SYN2: variants seen among roughly 807,000 people sequenced by gnomAD.
The protein encoded by SYN2 is synapsin-2.
Under a neutral mutation model 50.9 loss-of-function variants are expected in SYN2, and 19 were observed. That is an observed-to-expected ratio of 0.37 (90% confidence interval 0.26 to 0.55). The LOEUF is 0.55. Ranked by LOEUF, SYN2 falls within the 20% of genes least tolerant of loss-of-function variation. SYN2 has a pLI of 0.81. For missense variants in SYN2, 587 were observed against 576.4 expected, an observed-to-expected ratio of 1.02 and a Z score of -0.19; for synonymous variants, 255 against 224.9, an observed-to-expected ratio of 1.13 and a Z score of -1.20.
rs765461254 is a variant in SYN2 at position 12,145,708 on chromosome 3, G to A, written c.557G>A (p.Arg186Gln). 2.5e-5 allele frequency: 40 copies of A among 1,613,892 alleles called. No homozygotes were observed. The highest frequency in any genetic ancestry group is 1.6e-4 in the Middle Eastern group (1 of 6,084). Reference sequence around the variant, plus strand: ...TTCCGGCCAGACTTCGTGCTCATCCGGCAGCATGCATTTGGCATGGCGGAG... The same window carrying A: ...TTCCGGCCAGACTTCGTGCTCATCCAGCAGCATGCATTTGGCATGGCGGAG... ...RSFRPDFVLI[R>Q]QHAFGMAENE... The change falls in exon 4 of 13, where the codon CGG (arginine) becomes CAG (glutamine). Residue 186 changes from arginine (R) to glutamine (Q), a missense_variant. Transcript: ENST00000621198.
chr3:12,157,557 G>T, intron 5 of SYN2: 1 of 1,456,098 alleles, frequency 6.9e-7, no homozygotes, highest in Non-Finnish European at 9.6e-7. Flanking sequence ...ATGATCCAGG[G>T]TCCATGAAGA....
chr3:12,010,095 C>CA, intron 1 of SYN2, among the ~76,000 whole-genome samples: 1 of 151,826 alleles, frequency 6.6e-6, no homozygotes, highest in Non-Finnish European at 1.5e-5. Context: ...ACTCCATCTC[C>CA]AAAAAAATAA....
At chr3:12,174,777 G>A (rs1222702296) in intron 10 of SYN2, among the ~76,000 whole-genome samples, 1 of 152,174 alleles carries the variant, frequency 6.6e-6, no homozygotes, top group Non-Finnish European at 1.5e-5. Flanking sequence ...ACCGCGCCCA[G>A]CCATAACTGA....
intron 1 of SYN2, among the ~76,000 whole-genome samples, chr3:12,011,568 C>G (rs569012154): frequency 1.3e-5 from 2 of 152,328 alleles, no homozygotes; most frequent in African/African-American, 4.8e-5. Context: ...TTAACCAGTT[C>G]ATGTAAGATT....
chr3:12,135,231 G>A (rs1696872206), intron 1 of SYN2, among the ~76,000 whole-genome samples: 2 of 152,164 alleles, frequency 1.3e-5, no homozygotes, highest in South Asian at 4.1e-4. Context: ...AGTGGGTGGC[G>A]GCCGGCGCTC....
At chr3:12,084,302 T>TC (rs1279444315) in intron 1 of SYN2, among the ~76,000 whole-genome samples, 1 of 152,182 alleles carries the variant, frequency 6.6e-6, no homozygotes, top group Admixed American at 6.5e-5. Context: ...ATTGGTATTG[T>TC]CTTATACCCT....
chr3:12,141,907 A>T lies in SYN2; in HGVS notation c.438A>T (p.Ala146=). The T allele has an allele frequency of 1.3e-6, 1 of 780,866 alleles. No individual in the cohort carries two copies. Among genetic ancestry groups the T allele is most frequent in the Non-Finnish European group, 2.4e-6 (1 of 417,952 alleles). The allele number at this position is 780,866 out of a possible 1,614,324, so 48.4% of individuals were successfully genotyped here. A position where few individuals can be genotyped will look rare whatever the true frequency, so the allele number is the denominator to read the frequency against. ...ATTCCCCTGTTATTATTTTCCAGGC[A>T]GAATTTTCAGAGCTCAACCTGGTGG... ...LGDYDIKVEQ[A]EFSELNLVAH... Residue 146 remains alanine (A), a splice_region_variant and synonymous_variant, in exon 3 of 13, where the codon GCA becomes GCT. Coordinates refer to ENST00000621198, the MANE Select transcript of SYN2 (RefSeq NM_133625.6).
intron 1 of SYN2, among the ~76,000 whole-genome samples, chr3:12,048,039 A>G (rs1193807812): frequency 6.6e-6 from 1 of 152,190 alleles, no homozygotes; most frequent in Non-Finnish European, 1.5e-5. Flanking sequence ...TTACAGATAA[A>G]ATGCCCATTG....
intron 11 of SYN2, 144 bp downstream of exon 11, chr3:12,183,516 C>T (rs1698270636): frequency 6.4e-7 from 1 of 1,571,250 alleles, no homozygotes; most frequent in Admixed American, 1.9e-5. Context: ...GAGGGGAAAA[C>T]AGACCCTCCC....
chr3:12,015,409 T>A (rs527753054), intron 1 of SYN2, among the ~76,000 whole-genome samples: 1 of 152,160 alleles, frequency 6.6e-6, no homozygotes, highest in South Asian at 2.1e-4. Context: ...CAAAGAAAGT[T>A]TTCAGTACTT....
intron 1 of SYN2, among the ~76,000 whole-genome samples, chr3:12,086,700 T>C (rs1170839628): frequency 2.6e-5 from 4 of 152,056 alleles, no homozygotes; most frequent in Admixed American, 6.6e-5. Context: ...AAATTAGCTA[T>C]AGAAAGAATG....
chr3:12,115,473 C>T (rs1419296458), intron 1 of SYN2, among the ~76,000 whole-genome samples: 1 of 152,078 alleles, frequency 6.6e-6, no homozygotes, highest in East Asian at 1.9e-4. Flanking sequence ...CAAAAAAGTG[C>T]CAAGAAAGTT....
intron 1 of SYN2, among the ~76,000 whole-genome samples, chr3:12,009,039 A>T (rs1199834124): frequency 1.3e-5 from 2 of 152,106 alleles, no homozygotes; most frequent in Non-Finnish European, 2.9e-5. Context: ...GCTCTAAAAA[A>T]TACTTGAATT....
At chr3:12,009,056 TGAAA>T (rs1693861121) in intron 1 of SYN2, among the ~76,000 whole-genome samples, 1 of 152,222 alleles carries the variant, frequency 6.6e-6, no homozygotes, top group African/African-American at 2.4e-5. Context: ...AATTTGAACT[TGAAA>T]GAACACTCAA....
In SYN2 at chr3:12,142,096, G is replaced by A. The variant is rs139520900; in HGVS notation, c.527+100G>A. On this transcript the variant is annotated intron_variant, in intron 3 of 12. Coordinates refer to ENST00000621198, the MANE Select transcript of SYN2 (RefSeq NM_133625.6). ...CTAAGTCAGGTGTTGGAGTGAGATA[G>A]CAGTGCTATGTATGGTATACAGAAT... 3 of 727,410 alleles carry A rather than the reference G, an allele frequency of 4.1e-6. No individual in the cohort carries two copies. The African/African-American group carries it at 5.1e-5, about 12-fold the overall frequency. The allele number at this position is 727,410 out of a possible 1,614,324, so 45.1% of individuals were successfully genotyped here.
intron 5 of SYN2, chr3:12,154,244 G>A: frequency 1.9e-6 from 3 of 1,584,008 alleles, no homozygotes; most frequent in Non-Finnish European, 1.7e-6. Context: ...GTATAGTCTA[G>A]TAAGTGAATA....
Position 12,154,266 on chromosome 3 carries a change from G to A in SYN2, c.774+2940G>A, listed in dbSNP as rs776583975. Reference sequence around the variant, plus strand: ...CTAGTAAGTGAATAAATTCATGCATGAATGAAGGCTCAGAACCCTTCCCCC... The same window carrying A: ...CTAGTAAGTGAATAAATTCATGCATAAATGAAGGCTCAGAACCCTTCCCCC... On this transcript the variant is annotated intron_variant, in intron 5 of 12. Coordinates refer to ENST00000621198, the MANE Select transcript of SYN2 (RefSeq NM_133625.6). The A allele has an allele frequency of 2.5e-6, 4 of 1,608,164 alleles. No homozygotes were observed. In the East Asian group the frequency reaches 8.9e-5, roughly 36 times the overall value.
intron 7 of SYN2, among the ~76,000 whole-genome samples, chr3:12,163,026 G>T (rs1173473510): frequency 6.6e-6 from 1 of 151,998 alleles, no homozygotes; most frequent in East Asian, 1.9e-4. Context: ...GGATCACGAG[G>T]TCAGGAGATC....
chr3:12,019,783 A>G (rs560190482), intron 1 of SYN2, among the ~76,000 whole-genome samples: 2 of 152,344 alleles, frequency 1.3e-5, no homozygotes, highest in South Asian at 4.1e-4. Flanking sequence ...GTAAATTGGT[A>G]TAATTTCCTG....
Sources: gnomAD v4.1 joint callset for allele counts (sites outside exome capture counted in the v4.1 genomes callset) on GRCh38, gnomAD v4.1.1 for gene constraint, MANE v1.5 for transcripts, NCBI Gene and HGNC (gene_info 2026-07-23, HGNC 2026-07-21) for gene names.